The following ARMC3 variants were observed in gnomAD, a reference collection of about 807,000 sequenced individuals.
The protein encoded by ARMC3 is armadillo repeat containing 3.
A neutral mutation model predicts 90.3 loss-of-function variants in ARMC3; 74 were observed. The observed-to-expected ratio is 0.82, with a 90% confidence interval of 0.68 to 0.99. ARMC3 has a LOEUF of 0.99. ARMC3 is among the 50% of genes least tolerant of loss of function. The probability of loss-of-function intolerance (pLI) is 0.00; values close to 1 mark genes in which losing one functional copy is unlikely to be tolerated. For missense variants in ARMC3, 958 were observed against 1,042.8 expected (o/e 0.92, Z 1.12); for synonymous variants, 334 against 361.8 (o/e 0.92, Z 0.87).
intron 16 of ARMC3, among the ~76,000 whole-genome samples, chr10:23,010,700 C>G (rs190231852): frequency 1.1e-5 from 1 of 87,532 alleles, no homozygotes; most frequent in Admixed American, 1.1e-4. Context: ...CCTTTCCCTT[C>G]CCCCTCCTTC....
intron 12 of ARMC3, 56 bp downstream of exon 12, chr10:23,002,111 G>A: frequency 6.3e-7 from 1 of 1,589,630 alleles, no homozygotes; most frequent in Non-Finnish European, 8.6e-7. Flanking sequence ...AGACGGAGAG[G>A]CACACTCTTT....
chr10:22,979,231 A>G (rs941763862), intron 8 of ARMC3, among the ~76,000 whole-genome samples: 2 of 152,240 alleles, frequency 1.3e-5, no homozygotes, highest in Non-Finnish European at 2.9e-5. Context: ...ACATTATGCT[A>G]TTAGTAGCAT....
At chr10:23,001,175 C>T (rs1837268939) in intron 11 of ARMC3, among the ~76,000 whole-genome samples, 2 of 152,112 alleles carry the variant, frequency 1.3e-5, no homozygotes, top group South Asian at 4.1e-4. Flanking sequence ...GTTCATCCAG[C>T]CTCAATCTTA....
rs565933724 is a variant in ARMC3 at position 22,965,634 on chromosome 10, C to T, written c.733-2672C>T. The stretch of plus-strand genomic sequence containing the variant: ...ATGCAAATATTTTTTTCCATTCCTT[C>T]TCTCCCTCCGGAACCCAATTACATA... On this transcript the variant is annotated intron_variant, in intron 7 of 18. Coordinates refer to ENST00000298032, the MANE Select transcript of ARMC3 (RefSeq NM_173081.5). Among the ~76,000 whole-genome samples, 3 of 152,210 alleles carry T rather than the reference C, an allele frequency of 2.0e-5. No individual in the cohort carries two copies. In the South Asian group the frequency reaches 6.2e-4, roughly 32 times the overall value.
chr10:23,017,242 T>G (rs1250025197), intron 16 of ARMC3, among the ~76,000 whole-genome samples: 1 of 152,156 alleles, frequency 6.6e-6, no homozygotes, highest in African/African-American at 2.4e-5. Context: ...AATTAGAAAG[T>G]ATAAAACTTT....
At chr10:23,004,981 C>T (rs915091887) in intron 13 of ARMC3, among the ~76,000 whole-genome samples, 8 of 104,690 alleles carry the variant, frequency 7.6e-5, no homozygotes, top group Admixed American at 5.7e-4. Flanking sequence ...CTTTGGGAGG[C>T]CGAGGTGGGC....
intron 13 of ARMC3, among the ~76,000 whole-genome samples, chr10:23,005,536 C>G (rs766445201): frequency 6.6e-6 from 1 of 152,168 alleles, no homozygotes; most frequent in Non-Finnish European, 1.5e-5. Flanking sequence ...AAACACCAAA[C>G]ATGATACTGA....
intron 8 of ARMC3, among the ~76,000 whole-genome samples, chr10:22,974,334 A>G (rs960904001): frequency 7.2e-5 from 11 of 152,180 alleles, no homozygotes; most frequent in African/African-American, 2.7e-4. Context: ...ATATTGGGAA[A>G]TCTTCACTAC....
chr10:22,957,334 C>T (rs1834984457), intron 4 of ARMC3, among the ~76,000 whole-genome samples: 1 of 152,162 alleles, frequency 6.6e-6, no homozygotes. Context: ...TGTGTGGCGT[C>T]TGTGCCATTA....
chr10:22,944,337 A>G (rs1307914597), intron 2 of ARMC3, among the ~76,000 whole-genome samples: 1 of 152,114 alleles, frequency 6.6e-6, no homozygotes, highest in African/African-American at 2.4e-5. Context: ...TATTTTATCC[A>G]CCATAAACAA....
chr10:22,975,153 A>G (rs756661483), intron 8 of ARMC3, among the ~76,000 whole-genome samples: 1 of 152,258 alleles, frequency 6.6e-6, no homozygotes, highest in African/African-American at 2.4e-5. Flanking sequence ...CAATAGTGAT[A>G]TGCTTTGAGA....
chr10:22,960,089 T>C (rs1835125917), intron 6 of ARMC3: 1 of 306,584 alleles, frequency 3.3e-6, no homozygotes. Flanking sequence ...GGAAAGAAAC[T>C]GCCAACCTTC....
intron 3 of ARMC3, among the ~76,000 whole-genome samples, chr10:22,950,335 C>A (rs1834697350): frequency 6.6e-6 from 1 of 151,898 alleles, no homozygotes; most frequent in South Asian, 2.1e-4. Context: ...GCAACAACAG[C>A]CCCAACATAG....
At chr10:22,961,825 C>A in intron 6 of ARMC3, 59 bp from the exon 7 acceptor site, 2 of 1,361,216 alleles carry the variant, frequency 1.5e-6, no homozygotes, top group African/African-American at 1.5e-5. Context: ...CAGAATTTCT[C>A]CATTCTTGAG....
chr10:22,995,180 G>A (rs1836894613), intron 10 of ARMC3, among the ~76,000 whole-genome samples: 1 of 151,812 alleles, frequency 6.6e-6, no homozygotes, highest in Non-Finnish European at 1.5e-5. Flanking sequence ...ACAACAGAAT[G>A]TCTGAGGTTT....
At chr10:23,031,789 A>G (rs1838931194) in intron 17 of ARMC3, among the ~76,000 whole-genome samples, 1 of 152,084 alleles carries the variant, frequency 6.6e-6, no homozygotes, top group Middle Eastern at 3.2e-3. Flanking sequence ...AGGCAGAGAT[A>G]TGTCCCCATG....
chr10:22,963,418 T>C (rs1835289980), intron 7 of ARMC3, among the ~76,000 whole-genome samples: 1 of 152,160 alleles, frequency 6.6e-6, no homozygotes, highest in South Asian at 2.1e-4. Context: ...TATATTCTAG[T>C]GGGAAAAATT....
intron 10 of ARMC3, among the ~76,000 whole-genome samples, chr10:22,992,705 G>T (rs1987026): frequency 6.6e-6 from 1 of 151,934 alleles, no homozygotes; most frequent in Non-Finnish European, 1.5e-5. Context: ...CCTTGTTCTG[G>T]ACTCAGAAAT....
At chr10:22,936,996 C>T (rs993440124) in intron 2 of ARMC3, among the ~76,000 whole-genome samples, 8 of 152,016 alleles carry the variant, frequency 5.3e-5, no homozygotes, top group African/African-American at 1.7e-4. Flanking sequence ...CTCCACCTCC[C>T]AGCTCAACTG....
Sources: gnomAD v4.1 joint callset for allele counts (sites outside exome capture counted in the v4.1 genomes callset) on GRCh38, gnomAD v4.1.1 for gene constraint, MANE v1.5 for transcripts, NCBI Gene and HGNC (gene_info 2026-07-23, HGNC 2026-07-21) for gene names.